CHRM5: variants seen among roughly 807,000 people sequenced by gnomAD.
The protein encoded by CHRM5 is muscarinic acetylcholine receptor M5.
In CHRM5, 18 loss-of-function variants were observed where a neutral mutation model predicts 39.0. The observed-to-expected ratio is 0.46, with a 90% CI of 0.32 to 0.68. The LOEUF (loss-of-function observed/expected upper bound fraction) is 0.68. Ranked by LOEUF, CHRM5 falls within the 30% of genes least tolerant of loss-of-function variation. The pLI is 0.04. For synonymous variants in CHRM5, 241 were observed against 246.3 expected, an observed-to-expected ratio of 0.98 and a Z score of 0.20; for missense variants, 515 against 651.1, an observed-to-expected ratio of 0.79 and a Z score of 2.28.
chr15:34,032,020 C>A (rs1898868163), intron 1 of CHRM5, among the ~76,000 whole-genome samples: 2 of 115,080 alleles, frequency 1.7e-5, no homozygotes, highest in Non-Finnish European at 4.1e-5. Flanking sequence ...TACGCGCGCA[C>A]ACGCACACAC....
chr15:34,016,875 T>C (rs1055970256), intron 1 of CHRM5, among the ~76,000 whole-genome samples: 2 of 152,146 alleles, frequency 1.3e-5, no homozygotes, highest in African/African-American at 2.4e-5. Flanking sequence ...ACGCCTGTAA[T>C]TGCAGCACTT....
At chr15:33,996,340 A>G (rs2140594016) in intron 1 of CHRM5, among the ~76,000 whole-genome samples, 1 of 152,302 alleles carries the variant, frequency 6.6e-6, no homozygotes, top group Admixed American at 6.5e-5. Flanking sequence ...TTCTCCCAGC[A>G]CAGTGTTTGA....
chr15:34,030,983 A>T (rs1898760360), intron 1 of CHRM5, among the ~76,000 whole-genome samples: 2 of 152,178 alleles, frequency 1.3e-5, no homozygotes, highest in African/African-American at 4.8e-5. Flanking sequence ...AATTACAGAA[A>T]TCCAAAATAG....
At chr15:34,024,375 C>T (rs1354632579) in intron 1 of CHRM5, among the ~76,000 whole-genome samples, 3 of 150,460 alleles carry the variant, frequency 2.0e-5, no homozygotes, top group African/African-American at 4.9e-5. Flanking sequence ...GAAGGCTGGG[C>T]GTGGTGGCTT....
rs138220644 is a variant in CHRM5 at position 34,063,862 on chromosome 15, G to A, written c.1145G>A (p.Arg382Gln). The A allele has an allele frequency of 2.7e-4, 433 of 1,614,068 alleles. 2 individuals are homozygous for A. Among genetic ancestry groups the A allele is most frequent in the South Asian group, 5.3e-4 (48 of 91,088 alleles). ...KSQKCVAYKFRLVVKADGNQE... is the reference protein window; with the variant it reads ...KSQKCVAYKFQLVVKADGNQE... Reference sequence around the variant, plus strand: ...CAGAAATGTGTGGCCTATAAGTTCCGATTGGTGGTAAAAGCTGACGGGAAC... The same window carrying A: ...CAGAAATGTGTGGCCTATAAGTTCCAATTGGTGGTAAAAGCTGACGGGAAC... Residue 382 changes from arginine (R) to glutamine (Q), a missense_variant, in exon 3 of 3, where the codon CGA becomes CAA. Transcript: ENST00000383263. This position sits in a 1 kb window ranked among gnomAD's most constrained non-coding sequence, Gnocchi z 4.1.
intron 1 of CHRM5, among the ~76,000 whole-genome samples, chr15:34,045,198 T>A (rs1899641188): frequency 6.6e-6 from 1 of 152,254 alleles, no homozygotes; most frequent in Admixed American, 6.5e-5. Context: ...GTTCAAGGAC[T>A]ATCGTATATC....
rs1555516617 is a variant in CHRM5 at position 34,017,497 on chromosome 15, T to TG, written c.-407-29043_-407-29042insG. On this transcript the variant is annotated intron_variant, in intron 1 of 2. Coordinates refer to ENST00000383263, the MANE Select transcript of CHRM5 (RefSeq NM_012125.4). Reference sequence around the variant, plus strand: ...GATTTTTTTTTTGTTTTTTTTTTTTTTTTGAGACAGGGTCTTGCTATGTCA... The same window carrying TG: ...GATTTTTTTTTTGTTTTTTTTTTTTTGTTTGAGACAGGGTCTTGCTATGTCA... Among the ~76,000 whole-genome samples the TG allele has an allele frequency of 7.7e-3, 1,030 of 133,330 alleles. 10 individuals carry two copies. Among genetic ancestry groups the TG allele is most frequent in the Non-Finnish European group, 0.012 (706 of 60,330 alleles). 87.5% of individuals were successfully genotyped at this position (133,330 alleles called of 152,430 possible).
chr15:34,000,209 T>C (rs1387203517), intron 1 of CHRM5, among the ~76,000 whole-genome samples: 1 of 152,236 alleles, frequency 6.6e-6, no homozygotes, highest in African/African-American at 2.4e-5. Flanking sequence ...TTATTTCTAT[T>C]CTAAGCAATT....
chr15:34,052,565 T>G (rs1899966485), intron 2 of CHRM5, among the ~76,000 whole-genome samples: 1 of 152,226 alleles, frequency 6.6e-6, no homozygotes, highest in Non-Finnish European at 1.5e-5. Context: ...TTATCTTTGT[T>G]TGCAGATAAT....
Position 34,024,899 on chromosome 15 carries a change from G to A in CHRM5, c.-407-21641G>A, listed in dbSNP as rs1464004111. Among the ~76,000 whole-genome samples, 4 of 149,182 alleles carry A rather than the reference G, an allele frequency of 2.7e-5. No homozygotes were observed. In the East Asian group the frequency reaches 8.0e-4, roughly 30 times the overall value. On this transcript the variant is annotated intron_variant, in intron 1 of 2. Transcript: ENST00000383263. Reference sequence around the variant, plus strand: ...AAAAATAAAAAGAAAGAAAGGTGGCGAGGCCGGGCATGGTGGCTCACACCT... The same window carrying A: ...AAAAATAAAAAGAAAGAAAGGTGGCAAGGCCGGGCATGGTGGCTCACACCT...
chr15:34,038,706 C>G (rs1190272551), intron 1 of CHRM5: 1 of 1,107,364 alleles, frequency 9.0e-7, no homozygotes, highest in Non-Finnish European at 1.1e-6. Flanking sequence ...TCTCTTGCGG[C>G]TCTTGACTGG....
Position 34,038,741 on chromosome 15 carries a change from T to A in CHRM5, c.-407-7799T>A, listed in dbSNP as rs541256726. 3.5e-4 allele frequency: 397 copies of A among 1,140,104 alleles called. 6 individuals are homozygous for A. In the East Asian group the frequency reaches 0.015, roughly 44 times the overall value. The allele number at this position is 1,140,104 out of a possible 1,614,324, so 70.6% of individuals were successfully genotyped here. On this transcript the variant is annotated intron_variant, in intron 1 of 2. Transcript: ENST00000383263. ...GCGGCCTCGGCCCCACTTGCCCCAG[T>A]TACACGCGGTCCCAGCCCCACCAGC...
At chr15:34,003,166 T>A in intron 1 of CHRM5, 1 of 1,613,808 alleles carries the variant, frequency 6.2e-7, no homozygotes, top group Non-Finnish European at 8.5e-7. Flanking sequence ...TCCCTGTTCA[T>A]CATTCTCTTC....
chr15:34,048,055 G>T (rs1013511499), intron 2 of CHRM5, among the ~76,000 whole-genome samples: 3 of 143,842 alleles, frequency 2.1e-5, no homozygotes, highest in African/African-American at 8.3e-5. Context: ...GTGTGTGTTT[G>T]GTAGATATGG....
chr15:34,037,681 T>G (rs150405972), intron 1 of CHRM5, among the ~76,000 whole-genome samples: 1 of 151,828 alleles, frequency 6.6e-6, no homozygotes, highest in Non-Finnish European at 1.5e-5. Flanking sequence ...AAAATGTTTT[T>G]ATATCTCATT....
In CHRM5 at chr15:34,038,995, C is replaced by G. The variant is rs781316039; in HGVS notation, c.-407-7545C>G. On this transcript the variant is annotated intron_variant, in intron 1 of 2. Transcript: ENST00000383263. ...CTGTGGCGATCTCCGCCAGGCCGGC[C>G]GCGGCCTGGCCGCCGCCCACGGCCT... 6.3e-5 allele frequency: 70 copies of G among 1,118,356 alleles called. No individual in the cohort carries two copies. Among genetic ancestry groups the G allele is most frequent in the South Asian group, 1.1e-4 (3 of 26,672 alleles). 69.3% of individuals were successfully genotyped at this position (1,118,356 alleles called of 1,614,324 possible).
At chr15:34,045,701 T>TA (rs879353266) in intron 1 of CHRM5, among the ~76,000 whole-genome samples, 139 of 138,434 alleles carry the variant, frequency 1.0e-3, no homozygotes, top group Middle Eastern at 3.6e-3. Flanking sequence ...AAGCTTCTCA[T>TA]AAAAAAAAAA....
chr15:34,002,880 A>C (rs909849634), intron 1 of CHRM5: 11 of 707,542 alleles, frequency 1.6e-5, no homozygotes, highest in Non-Finnish European at 2.2e-5. Flanking sequence ...TTTCCCTTAC[A>C]AGCCATTAGA....
At chr15:34,059,471 G>A (rs1489069016) in intron 2 of CHRM5, among the ~76,000 whole-genome samples, 1 of 152,150 alleles carries the variant, frequency 6.6e-6, no homozygotes, top group Non-Finnish European at 1.5e-5. Context: ...ACTACCTTCA[G>A]AGTAGATGGG....
Sources: allele counts gnomAD v4.1 joint callset (sites outside exome capture counted in the v4.1 genomes callset), GRCh38; gene constraint gnomAD v4.1.1; non-coding constraint Gnocchi (gnomAD v3.1); transcripts MANE v1.5; gene names NCBI Gene and HGNC (gene_info 2026-07-23, HGNC 2026-07-21).